BEST1: variants seen among roughly 807,000 people sequenced by gnomAD.
The protein encoded by BEST1 is bestrophin-1.
Under a neutral mutation model 63.3 loss-of-function variants are expected in BEST1, and 58 were observed. That is an observed-to-expected ratio of 0.92 (90% confidence interval 0.74 to 1.14). The LOEUF is 1.14. Ranked by LOEUF, BEST1 falls within the 50% of genes most tolerant of loss-of-function variation. BEST1 has a pLI of 0.00. For missense variants in BEST1, 671 were observed against 740.1 expected, an observed-to-expected ratio of 0.91 and a Z score of 1.08; for synonymous variants, 283 against 291.6, an observed-to-expected ratio of 0.97 and a Z score of 0.30.
At chr11:61,957,581 T>C in intron 6 of BEST1, 117 bp downstream of exon 6, 1 of 976,818 alleles carries the variant, frequency 1.0e-6, no homozygotes. Context: ...GGGAGTTGGG[T>C]CCACACTTTG....
rs772649115 is a variant in BEST1, at chr11:61,962,784, A to T, written c.1630A>T (p.Met544Leu). 2.1e-5 allele frequency: 34 copies of T among 1,614,102 alleles called. No homozygotes were observed. In the South Asian group the frequency reaches 3.7e-4, roughly 18 times the overall value. Reference sequence around the variant, plus strand: ...AACTGTGGAGTTTAACCTGACGGATATGCCAGAGATCCCCGAAAATCACCT... The same window carrying T: ...AACTGTGGAGTTTAACCTGACGGATTTGCCAGAGATCCCCGAAAATCACCT... ...RKTVEFNLTD[M>L]PEIPENHLKE... Residue 544 changes from methionine (M) to leucine (L), a missense_variant, in exon 10 of 11, where the codon ATG becomes TTG. By Grantham distance (15) the Met-to-Leu change is conservative. Transcript: ENST00000378043.
intron 3 of BEST1, 121 bp from the exon 4 acceptor site, chr11:61,955,597 C>A: frequency 8.2e-7 from 1 of 1,214,640 alleles, no homozygotes; most frequent in Non-Finnish European, 1.1e-6. Flanking sequence ...TCCAGGAGGG[C>A]TGGGGGCTAG....
At chr11:61,954,307 C>T (rs930483177) in intron 2 of BEST1, among the ~76,000 whole-genome samples, 1 of 152,022 alleles carries the variant, frequency 6.6e-6, no homozygotes, top group African/African-American at 2.4e-5. Context: ...ATCACTATCA[C>T]CCAAAGTTCA....
intron 6 of BEST1, among the ~76,000 whole-genome samples, 164 bp from the exon 7 acceptor site, chr11:61,957,982 A>AAACAAAC (rs1317075292): frequency 6.6e-6 from 1 of 151,644 alleles, no homozygotes; most frequent in Non-Finnish European, 1.5e-5. Flanking sequence ...TCAAACAAAC[A>AAACAAAC]AACAAACAAA....
chr11:61,963,620 C>A (rs998723702), intron 10 of BEST1: 2 of 1,024,918 alleles, frequency 2.0e-6, no homozygotes, highest in African/African-American at 3.4e-5. Context: ...GTTACTTTCA[C>A]GGTCAGAACA....
rs148326372 is a variant in BEST1, at chr11:61,959,944, C to T, written c.1001C>T (p.Pro334Leu). 2.2e-5 allele frequency: 35 copies of T among 1,613,104 alleles called. No individual in the cohort carries two copies. Among genetic ancestry groups the T allele is most frequent in the Admixed American group, 3.3e-5 (2 of 59,890 alleles). The change falls in exon 9 of 11, where the codon CCG (proline) becomes CTG (leucine). Residue 334 changes from proline to leucine, a missense_variant. Coordinates refer to ENST00000378043, the MANE Select transcript of BEST1 (RefSeq NM_004183.4). The part of the protein sequence containing the change: ...EMHQDLPRME[P>L]DMYWNKPEPQ... ...CACCAGGACCTGCCTCGGATGGAGC[C>T]GGACATGTACTGGAATAAGCCCGAG...
chr11:61,964,406 G>GCCA lies in BEST1; in HGVS notation c.*286_*288dup. 1 of 636,880 alleles carries GCCA rather than the reference G, an allele frequency of 1.6e-6. No homozygotes were observed. The highest frequency in any genetic ancestry group is 2.0e-5 in the South Asian group (1 of 50,556). The allele number at this position is 636,880 out of a possible 1,614,324, so 39.5% of individuals were successfully genotyped here. ...CTTAGTTCTATCTGAATCCAAGACA[G>GCCA]CCACACCTTAGTATACTGCCCAAAC... On this transcript the variant is annotated 3_prime_UTR_variant, in exon 11 of 11. Coordinates refer to ENST00000378043, the MANE Select transcript of BEST1 (RefSeq NM_004183.4).
intron 10 of BEST1, chr11:61,963,841 C>CA (rs931857334): frequency 8.1e-5 from 103 of 1,270,448 alleles, no homozygotes; most frequent in South Asian, 5.5e-4. Flanking sequence ...CCATCTCTAC[C>CA]AAAAAAAATA....
At chr11:61,957,540 AG>A in intron 6 of BEST1, 76 bp downstream of exon 6, 1 of 1,414,480 alleles carries the variant, frequency 7.1e-7, no homozygotes, top group Non-Finnish European at 9.9e-7. Flanking sequence ...TGGGGTGGGA[AG>A]GGCTCACCTA....
chr11:61,955,329 G>A, intron 3 of BEST1, 128 bp downstream of exon 3: 6 of 1,546,602 alleles, frequency 3.9e-6, no homozygotes, highest in South Asian at 3.6e-5. Flanking sequence ...CGGCAGGTCG[G>A]CGCCTCTCTG....
At position 61,964,039 on chromosome 11, in the gene BEST1, C is replaced by T. The variant is rs1942352249; in HGVS notation, c.1740-65C>T. On this transcript the variant is annotated intron_variant, in intron 10 of 10. Transcript: ENST00000378043. ...CTCAACCTTTGCCCTCCTACTGCAA[C>T]ATTTTGGTATTTGAAATGAAGGGAC... 18 of 1,609,078 alleles carry T rather than the reference C, an allele frequency of 1.1e-5. No individual in the cohort carries two copies. The South Asian group carries it at 2.0e-4, about 18-fold the overall frequency.
At position 61,951,880 on chromosome 11, in the gene BEST1, G is replaced by A. The variant is rs281865215; in HGVS notation, c.74G>A (p.Arg25Gln). 5 of 1,613,526 alleles carry A rather than the reference G, an allele frequency of 3.1e-6. No homozygotes were observed. Among genetic ancestry groups the A allele is most frequent in the African/African-American group, 1.3e-5 (1 of 75,054 alleles). ...TTCTCCCGCCTGCTGCTGTGCTGGC[G>A]GGGCAGCATCTACAAGCTGCTATAT... Reference protein sequence around the residue: ...GSFSRLLLCWRGSIYKLLYGE... With the variant: ...GSFSRLLLCWQGSIYKLLYGE... The change falls in exon 2 of 11, where the codon CGG (arginine) becomes CAG (glutamine). Residue 25 changes from arginine (R) to glutamine (Q), a missense_variant. Arg to Gln is a conservative substitution (Grantham distance 43, BLOSUM62 1). Transcript: ENST00000378043.
chr11:61,955,382 CG>C (rs1223920082), intron 3 of BEST1, 181 bp downstream of exon 3: 1 of 1,466,364 alleles, frequency 6.8e-7, no homozygotes, highest in African/African-American at 1.4e-5. Flanking sequence ...TGAAGTTAGA[CG>C]TTAGGTAAGA....
At chr11:61,965,055 A>G, downstream of BEST1, 1 of 1,611,800 alleles carries the variant, frequency 6.2e-7, no homozygotes, top group Non-Finnish European at 8.5e-7. Flanking sequence ...TTTTTTTCCA[A>G]ATGTAATGCA....
At position 61,964,296 on chromosome 11, in the gene BEST1, A is replaced by G; in HGVS notation, c.*174A>G. 2.4e-6 allele frequency: 3 copies of G among 1,246,296 alleles called. No homozygotes were observed. Among genetic ancestry groups the G allele is most frequent in the Non-Finnish European group, 3.3e-6 (3 of 907,900 alleles). The allele number at this position is 1,246,296 out of a possible 1,614,324, so 77.2% of individuals were successfully genotyped here. ...AAATCCCAGACTACTTCAGCCTTTA[A>G]TGCCTTTTATTCATAAAAACTGTGA... On this transcript the variant is annotated 3_prime_UTR_variant, in exon 11 of 11. Coordinates refer to ENST00000378043, the MANE Select transcript of BEST1 (RefSeq NM_004183.4).
chr11:61,964,161 C>A lies in BEST1; in HGVS notation c.*39C>A. 6.2e-7 allele frequency: 1 copy of A among 1,613,560 alleles called. No individual in the cohort carries two copies. Among genetic ancestry groups the A allele is most frequent in the African/African-American group, 1.3e-5 (1 of 75,052 alleles). On this transcript the variant is annotated 3_prime_UTR_variant, in exon 11 of 11. Transcript: ENST00000378043. ...GGGGATGCTTCGCCAGCCAGGTCCTCACCTGTGTGTACACCAGCAGGACAC... is the reference window on the plus strand; with the variant it reads ...GGGGATGCTTCGCCAGCCAGGTCCTAACCTGTGTGTACACCAGCAGGACAC...
At chr11:61,963,985 T>C (rs527436384) in intron 10 of BEST1, 119 bp from the exon 11 acceptor site, 1 of 1,515,042 alleles carries the variant, frequency 6.6e-7, no homozygotes, top group African/African-American at 1.5e-5. Flanking sequence ...GGAGTGAGAC[T>C]GTCTCAAAAA....
At chr11:61,954,857 C>T (rs1941101459) in intron 2 of BEST1, 3 of 985,334 alleles carry the variant, frequency 3.0e-6, no homozygotes, top group African/African-American at 1.7e-5. Context: ...TCCTACACAT[C>T]TCCCAGTGGC....
intron 7 of BEST1, chr11:61,959,024 C>T (rs1941743830): frequency 7.8e-6 from 2 of 257,136 alleles, no homozygotes; most frequent in South Asian, 4.3e-5. Flanking sequence ...TCCGGGGTGC[C>T]CCAGTGGCCT....
Sources: gnomAD v4.1 joint callset for allele counts (sites outside exome capture counted in the v4.1 genomes callset) on GRCh38, gnomAD v4.1.1 for gene constraint, MANE v1.5 for transcripts, NCBI Gene and HGNC (gene_info 2026-07-23, HGNC 2026-07-21) for gene names.